Variants in ATRNL1 observed in about 807,000 individuals in gnomAD.
The protein encoded by ATRNL1 is attractin-like protein 1.
ATRNL1 carries 95 observed loss-of-function variants against 182.7 expected under a neutral mutation model. The ratio of observed to expected loss-of-function variants is 0.52; its 90% CI spans 0.44 to 0.62. The LOEUF is 0.62. Among genes scored for constraint, ATRNL1 ranks in the 20% least tolerant of loss-of-function variants. The pLI is 0.00. For missense variants in ATRNL1, 1,471 were observed against 1,679.5 expected (o/e 0.88, Z 2.17); for synonymous variants, 576 against 568.3 (o/e 1.01, Z -0.19).
At chr10:115,641,361 G>C (rs1859234699) in intron 26 of ATRNL1, among the ~76,000 whole-genome samples, 1 of 152,076 alleles carries the variant, frequency 6.6e-6, no homozygotes, top group Non-Finnish European at 1.5e-5. Context: ...CCATTTACTT[G>C]TTTGATAGGC....
chr10:115,358,550 A>C (rs1221052310), intron 19 of ATRNL1, among the ~76,000 whole-genome samples: 1 of 151,712 alleles, frequency 6.6e-6, no homozygotes, highest in Non-Finnish European at 1.5e-5. Flanking sequence ...TATACCAGGT[A>C]CATTGCTAAA....
intron 26 of ATRNL1, among the ~76,000 whole-genome samples, chr10:115,649,180 C>A (rs1054033057): frequency 6.6e-6 from 1 of 152,000 alleles, no homozygotes; most frequent in African/African-American, 2.4e-5. Flanking sequence ...TTAAGAAATA[C>A]GTTATCATTT....
In ATRNL1 at chr10:115,809,790, T is replaced by C. The variant is rs569027535; in HGVS notation, c.3904-38087T>C. Reference sequence around the variant, plus strand: ...TTCATCTGTATGCCTATTATTTCTTTTACTTGCCTTGTTGCACTGGCTAGG... The same window carrying C: ...TTCATCTGTATGCCTATTATTTCTTCTACTTGCCTTGTTGCACTGGCTAGG... On this transcript the variant is annotated intron_variant, in intron 27 of 28. Coordinates refer to ENST00000355044, the MANE Select transcript of ATRNL1 (RefSeq NM_207303.4). Among the ~76,000 whole-genome samples, 4 of 152,148 alleles carry C rather than the reference T, an allele frequency of 2.6e-5. No individual in the cohort carries two copies. The South Asian group carries it at 8.3e-4, about 31-fold the overall frequency.
At chr10:115,177,009 G>A (rs1447876432) in intron 8 of ATRNL1, among the ~76,000 whole-genome samples, 1 of 151,974 alleles carries the variant, frequency 6.6e-6, no homozygotes, top group Non-Finnish European at 1.5e-5. Context: ...AGTGGGTGTA[G>A]ATAAAAAGGA....
At position 115,713,467 on chromosome 10, in the gene ATRNL1, T is replaced by TTGTGTGTGTGTGTG. The variant is rs1392204889; in HGVS notation, c.3796-13770_3796-13769insGTGTGTGTGTGTGT. Reference sequence around the variant, plus strand: ...GCTGTGTGTGTGTGTGTGTGTGTGTTTGTGTGTGTGTCTGTGTGAAGATGA... The same window carrying TTGTGTGTGTGTGTG: ...GCTGTGTGTGTGTGTGTGTGTGTGTTTGTGTGTGTGTGTGTGTGTGTGTGTCTGTGTGAAGATGA... On this transcript the variant is annotated intron_variant, in intron 26 of 28. Transcript: ENST00000355044. Among the ~76,000 whole-genome samples, 6 of 74,470 alleles carry TTGTGTGTGTGTGTG rather than the reference T, an allele frequency of 8.1e-5. No homozygotes were observed. In the South Asian group the frequency reaches 1.7e-3, roughly 22 times the overall value. 48.9% of individuals were successfully genotyped at this position (74,470 alleles called of 152,430 possible).
At position 115,394,717 on chromosome 10, in the gene ATRNL1, C is replaced by T. The variant is rs574728737; in HGVS notation, c.3234C>T (p.Cys1078=). The change falls in exon 20 of 29, where the codon TGC becomes TGT. Residue 1078 remains cysteine (C), a synonymous_variant. Transcript: ENST00000355044. ...ICHLHTGKCF[C]TTKGIKGDQC... The stretch of plus-strand genomic sequence containing the variant: ...ATCTGCACACAGGAAAATGTTTCTG[C>T]ACAACTAAAGGAATAAAAGGTGACC... 2 of 1,610,190 alleles carry T rather than the reference C, an allele frequency of 1.2e-6. No individual in the cohort carries two copies. The highest frequency in any genetic ancestry group is 1.7e-4 in the Middle Eastern group (1 of 6,024).
intron 26 of ATRNL1, among the ~76,000 whole-genome samples, chr10:115,559,414 T>TTGTGTGTGTGTGTGTGTGTGTGTGTG (rs138709567): frequency 6.8e-6 from 1 of 147,560 alleles, no homozygotes. Flanking sequence ...TTCTTGGTGT[T>TTGTGTGTGTGTGTGTGTGTGTGTGTG]TGTGTGTGTG....
chr10:115,323,354 ATTT>A (rs1554932080), intron 18 of ATRNL1, among the ~76,000 whole-genome samples: 21 of 149,478 alleles, frequency 1.4e-4, no homozygotes, highest in Non-Finnish European at 3.0e-4. Context: ...GATATTCTCT[ATTT>A]GATGAGACAT....
At chr10:115,683,548 G>GTTTTTTTTTTTTT (rs59383182) in intron 26 of ATRNL1, among the ~76,000 whole-genome samples, 2 of 110,956 alleles carry the variant, frequency 1.8e-5, no homozygotes, top group Non-Finnish European at 1.7e-5. Context: ...GAGAACTAGC[G>GTTTTTTTTTTTTT]TTTTTTTTTT....
At chr10:115,319,875 G>A (rs376898755) in intron 18 of ATRNL1, among the ~76,000 whole-genome samples, 3 of 151,900 alleles carry the variant, frequency 2.0e-5, no homozygotes, top group African/African-American at 7.3e-5. Context: ...TTAATTGGGG[G>A]ATTTAGCCCA....
intron 28 of ATRNL1, among the ~76,000 whole-genome samples, chr10:115,862,559 T>C (rs971028227): frequency 8.5e-5 from 13 of 152,218 alleles, no homozygotes; most frequent in African/African-American, 3.1e-4. Flanking sequence ...TTACCTCTTA[T>C]GTTGGTGAAA....
intron 26 of ATRNL1, among the ~76,000 whole-genome samples, chr10:115,673,269 A>AAAAGACATT (rs1945755690): frequency 1.3e-5 from 2 of 152,178 alleles, no homozygotes; most frequent in Non-Finnish European, 2.9e-5. Flanking sequence ...AGAAATCTGC[A>AAAAGACATT]AAAGACATTA....
At position 115,552,724 on chromosome 10, in the gene ATRNL1, AAC is replaced by A. The variant is rs1554995869; in HGVS notation, c.3795+3194_3795+3195del. Among the ~76,000 whole-genome samples, 3 of 151,178 alleles carry A rather than the reference AAC, an allele frequency of 2.0e-5. No homozygotes were observed. The South Asian group carries it at 6.2e-4, about 31-fold the overall frequency. ...ACCCCTGAGAATTCAGGGGCTCTTAAACACACATTAAAAAAATGAAACTACAC... is the reference window on the plus strand; with the variant it reads ...ACCCCTGAGAATTCAGGGGCTCTTAAACACATTAAAAAAATGAAACTACAC... On this transcript the variant is annotated intron_variant, in intron 26 of 28. Coordinates refer to ENST00000355044, the MANE Select transcript of ATRNL1 (RefSeq NM_207303.4).
intron 26 of ATRNL1, among the ~76,000 whole-genome samples, chr10:115,687,560 A>C (rs1386053124): frequency 6.6e-6 from 1 of 152,118 alleles, no homozygotes; most frequent in Non-Finnish European, 1.5e-5. Context: ...TTAGTATTGT[A>C]AGCAATGCTG....
intron 1 of ATRNL1, among the ~76,000 whole-genome samples, chr10:115,094,726 A>C (rs2084969675): frequency 6.6e-6 from 1 of 152,192 alleles, no homozygotes; most frequent in African/African-American, 2.4e-5. Flanking sequence ...CCAGGATTAC[A>C]CAGTAGTAAG....
chr10:115,763,036 T>C (rs1441016558), intron 27 of ATRNL1, among the ~76,000 whole-genome samples: 1 of 152,158 alleles, frequency 6.6e-6, no homozygotes, highest in East Asian at 1.9e-4. Context: ...TTGGGAAGGT[T>C]TAAATAATTT....
chr10:115,100,304 A>G (rs1392252589), intron 1 of ATRNL1, among the ~76,000 whole-genome samples: 2 of 152,106 alleles, frequency 1.3e-5, no homozygotes, highest in South Asian at 2.1e-4. Context: ...TCTTTAAAAA[A>G]TAAAAAATAA....
chr10:115,541,199 A>C (rs576926075), intron 25 of ATRNL1, among the ~76,000 whole-genome samples: 1 of 152,230 alleles, frequency 6.6e-6, no homozygotes, highest in East Asian at 1.9e-4. Context: ...TATGTAACTC[A>C]TATAAATCAA....
intron 26 of ATRNL1, among the ~76,000 whole-genome samples, chr10:115,693,342 C>T (rs1946452210): frequency 6.6e-6 from 1 of 152,066 alleles, no homozygotes; most frequent in Admixed American, 6.6e-5. Flanking sequence ...TTCATGTACG[C>T]AAATATTGGC....
Sources: allele counts gnomAD v4.1 joint callset (sites outside exome capture counted in the v4.1 genomes callset), GRCh38; gene constraint gnomAD v4.1.1; transcripts MANE v1.5; gene names NCBI Gene and HGNC (gene_info 2026-07-23, HGNC 2026-07-21).